The following CCDC88C variants were observed in gnomAD, a reference collection of about 807,000 sequenced individuals.
CCDC88C encodes coiled-coil and HOOK domain protein 88C.
A neutral mutation model predicts 198.8 loss-of-function variants in CCDC88C; 131 were observed. That is an observed-to-expected ratio of 0.66 (90% CI 0.57 to 0.76). The LOEUF is 0.76. Ranked by LOEUF, CCDC88C falls within the 30% of genes least tolerant of loss-of-function variation. CCDC88C has a pLI of 0.00. For missense variants in CCDC88C, 2,553 were observed against 2,631.6 expected (o/e 0.97, Z 0.65); for synonymous variants, 1,166 against 1,114.7 (o/e 1.05, Z -0.92).
chr14:91,286,948 A>C (rs1468926410), intron 25 of CCDC88C, among the ~76,000 whole-genome samples: 1 of 152,246 alleles, frequency 6.6e-6, no homozygotes, highest in Admixed American at 6.5e-5. Flanking sequence ...TGCATAAAGC[A>C]CATAAAGTAG....
In CCDC88C at chr14:91,313,239, A is replaced by G; in HGVS notation, c.2577T>C (p.Thr859=). 6.2e-7 allele frequency: 1 copy of G among 1,613,958 alleles called. No individual in the cohort carries two copies. Among genetic ancestry groups the G allele is most frequent in the Non-Finnish European group, 8.5e-7 (1 of 1,179,890 alleles). Reference sequence around the variant, plus strand: ...CCTTCTCAACGGCGGACAGTTTGGCAGTGCTATCGTCCAAGACTGCATCCT... The same window carrying G: ...CCTTCTCAACGGCGGACAGTTTGGCGGTGCTATCGTCCAAGACTGCATCCT... The part of the protein sequence containing the change: ...ELKDAVLDDS[T]AKLSAVEKES... The change falls in exon 15 of 30, where the codon ACT becomes ACC. Residue 859 remains threonine (T), a synonymous_variant. Coordinates refer to ENST00000389857, the MANE Select transcript of CCDC88C (RefSeq NM_001080414.4). This position sits in a 1 kb window ranked among gnomAD's most constrained non-coding sequence, Gnocchi z 5.2.
At chr14:91,377,836 A>G (rs1884534403) in intron 3 of CCDC88C, among the ~76,000 whole-genome samples, 1 of 152,196 alleles carries the variant, frequency 6.6e-6, no homozygotes, top group Admixed American at 6.5e-5. Flanking sequence ...ACCTCCAGCC[A>G]TTACGCTGCA....
Position 91,313,408 on chromosome 14 carries a change from A to T in CCDC88C, c.2408T>A (p.Leu803Gln), listed in dbSNP as rs774882891. 1 of 1,607,604 alleles carries T rather than the reference A, an allele frequency of 6.2e-7. No individual in the cohort carries two copies. Among genetic ancestry groups the T allele is most frequent in the South Asian group, 1.1e-5 (1 of 91,036 alleles). Reference sequence around the variant, plus strand: ...TGCATTGGCCAGCCGGAGGGCCTCCAGGTCCCGCCGCAGCGCCTGGCGCTC... The same window carrying T: ...TGCATTGGCCAGCCGGAGGGCCTCCTGGTCCCGCCGCAGCGCCTGGCGCTC... ...EAERQALRRD[L>Q]EALRLANAQL... Residue 803 changes from leucine to glutamine, a missense_variant, in exon 15 of 30, where the codon CTG becomes CAG. By Grantham distance (113) the Leu-to-Gln change is moderately radical (BLOSUM62 -2). Around this residue, in one of 2 missense-constraint regions of CCDC88C, gnomAD observed 1,260 missense variants for 1,412.0 expected, o/e 0.89. Coordinates refer to ENST00000389857, the MANE Select transcript of CCDC88C (RefSeq NM_001080414.4). The surrounding 1 kb of genome is among the most constrained non-coding windows in gnomAD (Gnocchi z 5.2).
At chr14:91,345,184 ATATATAT>A (rs1471456690) in intron 4 of CCDC88C, among the ~76,000 whole-genome samples, 5 of 67,574 alleles carry the variant, frequency 7.4e-5, no homozygotes, top group African/African-American at 2.8e-4. Context: ...ATATATATAT[ATATATAT>A]TTTTTTTTTT....
rs555286545 is a variant in CCDC88C, at chr14:91,417,174, C to T, written c.61-336G>A. On this transcript the variant is annotated intron_variant, in intron 1 of 29. Coordinates refer to ENST00000389857, the MANE Select transcript of CCDC88C (RefSeq NM_001080414.4). ...CAGTGCGCCCACCCCAGTCTGTTCG[C>T]TTTCCCATTCGGCGCCCCCCATTCC... 759 of 703,098 alleles carry T rather than the reference C, an allele frequency of 1.1e-3. 12 individuals carry two copies. In the South Asian group the frequency reaches 0.011, roughly 10 times the overall value. 43.6% of individuals were successfully genotyped at this position (703,098 alleles called of 1,614,324 possible). A position where few individuals can be genotyped will look rare whatever the true frequency, so the allele number is the denominator to read the frequency against.
chr14:91,273,226 A>G lies in CCDC88C; in HGVS notation c.5486T>C (p.Leu1829Pro), dbSNP rs770239654. 31 of 1,561,340 alleles carry G rather than the reference A, an allele frequency of 2.0e-5. No homozygotes were observed. The Middle Eastern group carries it at 8.4e-4, about 42-fold the overall frequency. ...EACKQESPQK[L>P]GAPEALGGRE... ...GCCCCCTAAGGCCTCAGGAGCCCCC[A>G]GCTTCTGAGGGGACTCCTGTTTGCA... is the stretch of plus-strand genomic sequence containing the variant. Residue 1829 changes from leucine to proline, a missense_variant, in exon 30 of 30, where the codon CTG becomes CCG. Physicochemically the swap from Leu to Pro is moderately conservative, Grantham distance 98. This residue lies in a region of CCDC88C where 1,293 missense variants were observed against 1,219.6 expected (regional missense o/e 1.06). Coordinates refer to ENST00000389857, the MANE Select transcript of CCDC88C (RefSeq NM_001080414.4). The surrounding 1 kb of genome is among the most constrained non-coding windows in gnomAD (Gnocchi z 5.6).
At position 91,352,220 on chromosome 14, in the gene CCDC88C, C is replaced by T. The variant is rs986340435; in HGVS notation, c.340+7422G>A. Among the ~76,000 whole-genome samples the T allele has an allele frequency of 1.3e-5, 2 of 152,248 alleles. No individual in the cohort carries two copies. The highest frequency in any genetic ancestry group is 6.5e-5 in the Admixed American group (1 of 15,292). On this transcript the variant is annotated intron_variant, in intron 4 of 29. Transcript: ENST00000389857. This position sits in a 1 kb window ranked among gnomAD's most constrained non-coding sequence, Gnocchi z 4.2. Reference sequence around the variant, plus strand: ...ATGGTGTGGCTGTTGCAGCCAGCGGCGTTCTCTGTGTGCCTGGGCCATCGC... The same window carrying T: ...ATGGTGTGGCTGTTGCAGCCAGCGGTGTTCTCTGTGTGCCTGGGCCATCGC...
Position 91,273,536 on chromosome 14 carries a change from T to C in CCDC88C, c.5176A>G (p.Thr1726Ala). 1.3e-6 allele frequency: 2 copies of C among 1,522,536 alleles called. No homozygotes were observed. The highest frequency in any genetic ancestry group is 8.8e-7 in the Non-Finnish European group (1 of 1,134,158). 94.3% of individuals were successfully genotyped at this position (1,522,536 alleles called of 1,614,324 possible). ...PAKKEGAKMP[T>A]NFVAPTVKMA... Reference sequence around the variant, plus strand: ...TTGACGGTGGGGGCCACAAAGTTGGTGGGCATCTTGGCCCCTTCTTTCTTG... The same window carrying C: ...TTGACGGTGGGGGCCACAAAGTTGGCGGGCATCTTGGCCCCTTCTTTCTTG... The change falls in exon 30 of 30, where the codon ACC becomes GCC. Residue 1726 changes from threonine (T) to alanine (A), a missense_variant. This residue lies in a region of CCDC88C where 1,293 missense variants were observed against 1,219.6 expected (regional missense o/e 1.06). Coordinates refer to ENST00000389857, the MANE Select transcript of CCDC88C (RefSeq NM_001080414.4). This position sits in a 1 kb window ranked among gnomAD's most constrained non-coding sequence, Gnocchi z 5.6.
intron 23 of CCDC88C, among the ~76,000 whole-genome samples, chr14:91,293,571 C>T (rs74086363): frequency 1.5e-3 from 41 of 28,110 alleles, no homozygotes; most frequent in African/African-American, 2.6e-3. Context: ...TGCCACGGCC[C>T]ACCTTCCTGT....
chr14:91,351,081 TG>T (rs1394875679), intron 4 of CCDC88C, among the ~76,000 whole-genome samples: 2 of 152,196 alleles, frequency 1.3e-5, no homozygotes, highest in Admixed American at 1.3e-4. Context: ...CAGCGTTTGC[TG>T]ACTGAGTGAG....
In CCDC88C at chr14:91,290,977, ACACTTAAATCAACT is replaced by A. The variant is rs978503197; in HGVS notation, c.4202+4_4202+17del. Reference sequence around the variant, plus strand: ...TTTTAAGTTCTGTCTTTATGCCACTACACTTAAATCAACTCACTTCTTTGGAGGAGGATCATAGA... The same window carrying A: ...TTTTAAGTTCTGTCTTTATGCCACTACACTTCTTTGGAGGAGGATCATAGA... On this transcript the variant is annotated splice_donor_5th_base_variant and intron_variant, in intron 24 of 29. Transcript: ENST00000389857. The A allele has an allele frequency of 1.4e-6, 2 of 1,458,606 alleles. No homozygotes were observed. The highest frequency in any genetic ancestry group is 2.8e-5 in the African/African-American group (2 of 72,138). The allele number at this position is 1,458,606 out of a possible 1,614,324, so 90.4% of individuals were successfully genotyped here. A position where few individuals can be genotyped will look rare whatever the true frequency, so the allele number is the denominator to read the frequency against.
rs575616399 is a variant in CCDC88C at position 91,394,522 on chromosome 14, C to A, written c.270+14137G>T. On this transcript the variant is annotated intron_variant, in intron 3 of 29. Coordinates refer to ENST00000389857, the MANE Select transcript of CCDC88C (RefSeq NM_001080414.4). ...TCCCGGCCCAGGCCTGGTGTGACAC[C>A]GTGCTCCCTGATTGTAATGACTTAT... 2.8e-4 allele frequency among the ~76,000 whole-genome samples: 42 copies of A among 152,344 alleles called. 1 individual carries two copies. The East Asian group carries it at 3.7e-3, about 13-fold the overall frequency.
chr14:91,349,365 G>C (rs1893684869), intron 4 of CCDC88C, among the ~76,000 whole-genome samples: 1 of 152,222 alleles, frequency 6.6e-6, no homozygotes, highest in South Asian at 2.1e-4. Flanking sequence ...GGGCTTTCCA[G>C]GCCCAGGGAA....
At chr14:91,363,151 T>C (rs1241320383) in intron 3 of CCDC88C, among the ~76,000 whole-genome samples, 1 of 152,124 alleles carries the variant, frequency 6.6e-6, no homozygotes, top group African/African-American at 2.4e-5. Flanking sequence ...CACATTAATT[T>C]CAAATTTTCT....
At chr14:91,326,720 T>C (rs1324894105) in intron 10 of CCDC88C, among the ~76,000 whole-genome samples, 3 of 152,228 alleles carry the variant, frequency 2.0e-5, no homozygotes, top group Non-Finnish European at 2.9e-5. Context: ...CTGAGTCTAG[T>C]AGACCTCTTA....
chr14:91,293,116 GTCCTCACTTGCCACAGCCCACCTTCCCA>G (rs1567054624), intron 23 of CCDC88C, among the ~76,000 whole-genome samples: 109 of 6,278 alleles, frequency 0.017, 2 homozygotes, highest in Non-Finnish European at 0.029. Flanking sequence ...CCACCTTCCC[GTCCTCACTTGCCACAGCCCACCTTCCCA>G]TCCTCACCTG....
intron 3 of CCDC88C, among the ~76,000 whole-genome samples, chr14:91,380,233 G>A (rs1174498425): frequency 1.3e-5 from 2 of 152,090 alleles, no homozygotes; most frequent in African/African-American, 4.8e-5. Context: ...AATAGGATTC[G>A]GCTATCTTGG....
intron 19 of CCDC88C, 145 bp from the exon 20 acceptor site, chr14:91,304,123 A>G (rs1891460813): frequency 1.1e-6 from 1 of 902,092 alleles, no homozygotes; most frequent in East Asian, 2.6e-5. Flanking sequence ...TGGCTGTTCC[A>G]GAACTTAAGC....
chr14:91,282,537 T>C (rs963521832), intron 26 of CCDC88C, among the ~76,000 whole-genome samples: 5 of 152,218 alleles, frequency 3.3e-5, no homozygotes, highest in African/African-American at 9.6e-5. Context: ...GGTGCAATCA[T>C]TTCTCTTGTC....
Sources: allele counts gnomAD v4.1 joint callset (sites outside exome capture counted in the v4.1 genomes callset), GRCh38; gene constraint gnomAD v4.1.1; regional missense constraint gnomAD v4.1.1; non-coding constraint Gnocchi (gnomAD v3.1); transcripts MANE v1.5; gene names NCBI Gene and HGNC (gene_info 2026-07-23, HGNC 2026-07-21).